The following LARS2 variants were observed in gnomAD, a reference collection of about 807,000 sequenced individuals.
LARS2 encodes the protein leucyl-tRNA synthetase 2, mitochondrial.
LARS2 carries 81 observed loss-of-function variants against 116.6 expected under a neutral mutation model. That is an observed-to-expected ratio of 0.69 (90% CI 0.58 to 0.84). LARS2 has a LOEUF of 0.84. Among genes scored for constraint, LARS2 ranks in the 40% least tolerant of loss-of-function variants. The pLI is 0.00. For synonymous variants in LARS2, 396 were observed against 407.2 expected, an observed-to-expected ratio of 0.97 and a Z score of 0.33; for missense variants, 968 against 1,114.5, an observed-to-expected ratio of 0.87 and a Z score of 1.87.
At chr3:45,483,709 T>G in intron 10 of LARS2, among the ~76,000 whole-genome samples, 1 of 152,104 alleles carries the variant, frequency 6.6e-6, no homozygotes, top group East Asian at 1.9e-4. Flanking sequence ...CTTTGAGAAG[T>G]GAGTCTGCAC....
intron 6 of LARS2, among the ~76,000 whole-genome samples, chr3:45,433,312 T>G (rs1698749944): frequency 6.6e-6 from 1 of 152,098 alleles, no homozygotes; most frequent in Non-Finnish European, 1.5e-5. Flanking sequence ...GTATCTCCTG[T>G]TTTTGTTTCT....
chr3:45,430,640 C>T (rs562445678), intron 6 of LARS2, among the ~76,000 whole-genome samples: 3 of 116,376 alleles, frequency 2.6e-5, no homozygotes, highest in Non-Finnish European at 3.5e-5. Flanking sequence ...GCTGGAGTGC[C>T]GTGGCGCGAT....
At chr3:45,526,381 G>C (rs891705554) in intron 20 of LARS2, among the ~76,000 whole-genome samples, 11 of 152,150 alleles carry the variant, frequency 7.2e-5, no homozygotes, top group African/African-American at 2.4e-4. Flanking sequence ...AGTTAGGGCT[G>C]TAATTAGAAA....
In LARS2 at chr3:45,547,616, G is replaced by T; in HGVS notation, c.*86G>T. The T allele has an allele frequency of 7.9e-7, 1 of 1,264,956 alleles. No individual in the cohort carries two copies. Among genetic ancestry groups the T allele is most frequent in the Non-Finnish European group, 1.1e-6 (1 of 905,346 alleles). The allele number at this position is 1,264,956 out of a possible 1,614,324, so 78.4% of individuals were successfully genotyped here. A position where few individuals can be genotyped will look rare whatever the true frequency, so the allele number is the denominator to read the frequency against. On this transcript the variant is annotated 3_prime_UTR_variant, in exon 22 of 22. Transcript: ENST00000645846. ...GAGGGGGCGATGTCTGCTGGCCCAGGGGAAGGGAAAAGACAAATGTCTTGA... is the reference window on the plus strand; with the variant it reads ...GAGGGGGCGATGTCTGCTGGCCCAGTGGAAGGGAAAAGACAAATGTCTTGA...
chr3:45,397,886 T>C (rs1698077097), intron 3 of LARS2, among the ~76,000 whole-genome samples: 1 of 152,238 alleles, frequency 6.6e-6, no homozygotes, highest in Non-Finnish European at 1.5e-5. Context: ...GCCACTCACT[T>C]TCTTAAGGAC....
chr3:45,410,806 T>C (rs1211466722), intron 4 of LARS2, among the ~76,000 whole-genome samples: 1 of 152,210 alleles, frequency 6.6e-6, no homozygotes, highest in Non-Finnish European at 1.5e-5. Flanking sequence ...TGGGGAAAGA[T>C]TCAGGGACTT....
Position 45,541,876 on chromosome 3 carries a change from G to C in LARS2, c.2452G>C (p.Ala818Pro), listed in dbSNP as rs1700803099. The change falls in exon 21 of 22, where the codon GCC becomes CCC. Residue 818 changes from alanine to proline, a missense_variant. Physicochemically the swap from Ala to Pro is conservative, Grantham distance 27. Coordinates refer to ENST00000645846, the MANE Select transcript of LARS2 (RefSeq NM_015340.4). ...GCTCTGTGCCCACTACACTTGGGAT[G>C]CCAGTGTGCTGCTCCAGGCATGGCC... is the stretch of plus-strand genomic sequence containing the variant. Reference protein sequence around the residue: ...RKLCAHYTWDASVLLQAWPAV... With the variant: ...RKLCAHYTWDPSVLLQAWPAV... The C allele has an allele frequency of 6.2e-7, 1 of 1,614,094 alleles. No homozygotes were observed. The highest frequency in any genetic ancestry group is 1.3e-5 in the African/African-American group (1 of 74,946).
chr3:45,486,642 T>A (rs4683118), intron 11 of LARS2, among the ~76,000 whole-genome samples: 121,651 of 152,198 alleles, frequency 0.8, 52,826 homozygotes, highest in East Asian at 0.98. Context: ...CAGTGTTTCA[T>A]GAAGTTGTTT....
intron 4 of LARS2, among the ~76,000 whole-genome samples, chr3:45,407,886 A>G (rs1698258676): frequency 6.6e-6 from 1 of 152,208 alleles, no homozygotes; most frequent in African/African-American, 2.4e-5. Context: ...TCCATCGCCA[A>G]ACTCTACTCA....
At chr3:45,465,667 G>A (rs184187919) in intron 8 of LARS2, among the ~76,000 whole-genome samples, 1 of 152,228 alleles carries the variant, frequency 6.6e-6, no homozygotes, top group Non-Finnish European at 1.5e-5. Flanking sequence ...TCCTCCAGGG[G>A]TTGGTACAGG....
chr3:45,454,811 A>G (rs1025045841), intron 7 of LARS2, among the ~76,000 whole-genome samples: 10 of 152,210 alleles, frequency 6.6e-5, no homozygotes, highest in African/African-American at 1.7e-4. Flanking sequence ...GAGGGAAGCT[A>G]TTGATAGAGA....
In LARS2 at chr3:45,392,728, G is replaced by A. The variant is rs557920576; in HGVS notation, c.-22+1080G>A. ...TGTAAGATGCCCACATTATGTTGCT[G>A]TCTTATGTGAGTTTGAAACTCACTG... is the stretch of plus-strand genomic sequence containing the variant. On this transcript the variant is annotated intron_variant, in intron 2 of 21. Coordinates refer to ENST00000645846, the MANE Select transcript of LARS2 (RefSeq NM_015340.4). Among the ~76,000 whole-genome samples the A allele has an allele frequency of 8.7e-4, 133 of 152,226 alleles. 2 individuals are homozygous for A. The highest frequency in any genetic ancestry group is 3.4e-3 in the Middle Eastern group (1 of 294).
intron 19 of LARS2, 122 bp downstream of exon 19, chr3:45,520,418 T>A (rs1575310531): frequency 4.5e-6 from 3 of 667,328 alleles, no homozygotes; most frequent in Non-Finnish European, 8.1e-6. Flanking sequence ...CAGTGTGGCT[T>A]GATTATCTTA....
chr3:45,429,295 GT>G (rs1698651743), intron 6 of LARS2, among the ~76,000 whole-genome samples: 1 of 152,164 alleles, frequency 6.6e-6, no homozygotes, highest in Admixed American at 6.5e-5. Flanking sequence ...TCCTTACTGG[GT>G]CCTCTGGGGA....
At position 45,516,215 on chromosome 3, in the gene LARS2, G is replaced by A. The variant is rs11549809; in HGVS notation, c.1983G>A (p.Thr661=). Residue 661 remains threonine, a synonymous_variant, in exon 17 of 22, where the codon ACG becomes ACA. Transcript: ENST00000645846. ...EEVVEQYGID[T]IRLYILFAAP... ...TTGTGGAGCAGTATGGGATCGACAC[G>A]ATTCGGCTCTACATCCTTTTTGCTG... 478,031 of 1,613,508 alleles carry A rather than the reference G, an allele frequency of 0.3. 72,801 individuals are homozygous for A. The highest frequency in any genetic ancestry group is 0.41 in the Middle Eastern group (2,461 of 6,060).
At chr3:45,527,423 G>T (rs181601964) in intron 20 of LARS2, among the ~76,000 whole-genome samples, 1 of 152,270 alleles carries the variant, frequency 6.6e-6, no homozygotes, top group Admixed American at 6.5e-5. Context: ...AAGAGATCGA[G>T]ACCATCCTGG....
chr3:45,491,696 C>G lies in LARS2; in HGVS notation c.1419C>G (p.Pro473=). The G allele has an allele frequency of 6.2e-7, 1 of 1,614,070 alleles. No individual in the cohort carries two copies. The highest frequency in any genetic ancestry group is 8.5e-7 in the Non-Finnish European group (1 of 1,179,916). Reference sequence around the variant, plus strand: ...CAGTCTGTGGCCCCACACCTGTGCCCCTGGAGGACTTGCCTGTGACCCTGC... The same window carrying G: ...CAGTCTGTGGCCCCACACCTGTGCCGCTGGAGGACTTGCCTGTGACCCTGC... ...HCPVCGPTPV[P]LEDLPVTLPN... is the part of the protein sequence containing the mutation. Residue 473 remains proline, a synonymous_variant, in exon 13 of 22, where the codon CCC becomes CCG. Coordinates refer to ENST00000645846, the MANE Select transcript of LARS2 (RefSeq NM_015340.4).
intron 3 of LARS2, among the ~76,000 whole-genome samples, chr3:45,398,152 C>T (rs1698082851): frequency 6.6e-6 from 1 of 152,112 alleles, no homozygotes; most frequent in East Asian, 1.9e-4. Context: ...CTTAACACTC[C>T]TTGGTAATTT....
At chr3:45,430,003 CTTTTT>C (rs66989698) in intron 6 of LARS2, among the ~76,000 whole-genome samples, 10 of 56,950 alleles carry the variant, frequency 1.8e-4, no homozygotes, top group Non-Finnish European at 2.0e-4. Context: ...TGCCCAGCCT[CTTTTT>C]TTTTTTTTTT....
Sources: allele counts gnomAD v4.1 joint callset (sites outside exome capture counted in the v4.1 genomes callset), GRCh38; gene constraint gnomAD v4.1.1; transcripts MANE v1.5; gene names NCBI Gene and HGNC (gene_info 2026-07-23, HGNC 2026-07-21).